GPC6: variants seen among roughly 807,000 people sequenced by gnomAD.
GPC6 encodes glypican-6.
A neutral mutation model predicts 55.2 loss-of-function variants in GPC6; 14 were observed. The observed-to-expected ratio is 0.25, with a 90% CI of 0.17 to 0.40. The LOEUF (loss-of-function observed/expected upper bound fraction) is 0.40, where lower values mean the gene tolerates loss of function less well. Ranked by LOEUF, GPC6 falls within the 10% of genes least tolerant of loss-of-function variation. The pLI is 1.00. For synonymous variants in GPC6, 278 were observed against 259.6 expected, an observed-to-expected ratio of 1.07 and a Z score of -0.68; for missense variants, 641 against 708.5, an observed-to-expected ratio of 0.90 and a Z score of 1.08.
At chr13:94,338,535 A>G (rs1877846921) in intron 6 of GPC6, among the ~76,000 whole-genome samples, 3 of 152,172 alleles carry the variant, frequency 2.0e-5, no homozygotes, top group Admixed American at 2.0e-4. Context: ...CTGACCAGCC[A>G]TGGTCCATTT....
chr13:93,821,726 G>GT (rs1325860050), intron 2 of GPC6, among the ~76,000 whole-genome samples: 1 of 151,950 alleles, frequency 6.6e-6, no homozygotes, highest in Non-Finnish European at 1.5e-5. Context: ...AGCTTTTTTT[G>GT]TTCTTCCTCA....
intron 6 of GPC6, among the ~76,000 whole-genome samples, chr13:94,356,063 T>C (rs549881771): frequency 2.0e-5 from 3 of 151,556 alleles, no homozygotes; most frequent in Admixed American, 2.0e-4. Flanking sequence ...GCTCCATCCA[T>C]GTCCCTGCAA....
At chr13:94,000,628 T>C (rs962095812) in intron 3 of GPC6, among the ~76,000 whole-genome samples, 1 of 152,140 alleles carries the variant, frequency 6.6e-6, no homozygotes, top group Non-Finnish European at 1.5e-5. Flanking sequence ...TAGGTGCTGA[T>C]GATGGAGTAT....
chr13:93,756,358 C>T (rs1182799469), intron 2 of GPC6, among the ~76,000 whole-genome samples: 1 of 152,118 alleles, frequency 6.6e-6, no homozygotes, highest in African/African-American at 2.4e-5. Context: ...GAGTACCACC[C>T]TGGTTGAAAT....
rs1329719516 is a variant in GPC6 at position 93,231,386 on chromosome 13, T to C, written c.160+3770T>C. Among the ~76,000 whole-genome samples, 32 of 22,516 alleles carry C rather than the reference T, an allele frequency of 1.4e-3. 1 individual carries two copies. The highest frequency in any genetic ancestry group is 4.1e-3 in the East Asian group (3 of 732). The allele number at this position is 22,516 out of a possible 152,430, so 14.8% of individuals were successfully genotyped here. ...GTATATATATATATATATACATATA[T>C]ATATATATATGTATATATATATATA... On this transcript the variant is annotated intron_variant, in intron 1 of 8. Coordinates refer to ENST00000377047, the MANE Select transcript of GPC6 (RefSeq NM_005708.5).
At chr13:93,411,087 G>T (rs1313396552) in intron 1 of GPC6, among the ~76,000 whole-genome samples, 1 of 152,172 alleles carries the variant, frequency 6.6e-6, no homozygotes, top group African/African-American at 2.4e-5. Context: ...CCCAGATATA[G>T]AGAGATTACA....
At chr13:94,060,340 G>A (rs1378037844) in intron 4 of GPC6, among the ~76,000 whole-genome samples, 1 of 152,140 alleles carries the variant, frequency 6.6e-6, no homozygotes, top group African/African-American at 2.4e-5. Flanking sequence ...TAAGCTCCAT[G>A]AGTGGGAGGA....
At chr13:93,514,435 C>A (rs544757554) in intron 1 of GPC6, among the ~76,000 whole-genome samples, 1 of 152,220 alleles carries the variant, frequency 6.6e-6, no homozygotes, top group Non-Finnish European at 1.5e-5. Flanking sequence ...AATATGGACT[C>A]CAAAAATGTT....
chr13:94,351,962 C>CAAAAAAAAAAAAAAAAAAAAAAAA (rs60206836), intron 6 of GPC6, among the ~76,000 whole-genome samples: 2 of 101,550 alleles, frequency 2.0e-5, no homozygotes, highest in Admixed American at 9.9e-5. Context: ...GAGAAGAAGG[C>CAAAAAAAAAAAAAAAAAAAAAAAA]AAAAAAAAAA....
In GPC6 at chr13:94,230,870, C is replaced by A. The variant is rs536380865; in HGVS notation, c.878-55479C>A. Among the ~76,000 whole-genome samples the A allele has an allele frequency of 7.2e-5, 11 of 152,284 alleles. No homozygotes were observed. The South Asian group carries it at 2.3e-3, about 32-fold the overall frequency. ...CAGACATCATAATAAGCATCTTTCACTTCAATCTTTCCAACAAGACAATGA... is the reference window on the plus strand; with the variant it reads ...CAGACATCATAATAAGCATCTTTCAATTCAATCTTTCCAACAAGACAATGA... On this transcript the variant is annotated intron_variant, in intron 4 of 8. Transcript: ENST00000377047.
intron 2 of GPC6, among the ~76,000 whole-genome samples, chr13:93,780,522 C>A (rs1331869348): frequency 6.6e-6 from 1 of 151,728 alleles, no homozygotes; most frequent in East Asian, 1.9e-4. Context: ...CATTATTAAA[C>A]AGCTGGCACT....
At chr13:94,210,702 G>A (rs1890050897) in intron 4 of GPC6, among the ~76,000 whole-genome samples, 1 of 152,084 alleles carries the variant, frequency 6.6e-6, no homozygotes. Context: ...TTGTATGTTT[G>A]CATGTGAAAT....
intron 3 of GPC6, among the ~76,000 whole-genome samples, chr13:93,831,861 CG>C (rs1566558317): frequency 6.7e-6 from 1 of 150,212 alleles, no homozygotes; most frequent in Non-Finnish European, 1.5e-5. Context: ...GAGGTTGAGG[CG>C]GGCAGATCTC....
intron 1 of GPC6, among the ~76,000 whole-genome samples, chr13:93,300,711 T>C (rs9524005): frequency 0.2 from 30,281 of 151,150 alleles, 3,222 homozygotes; most frequent in Non-Finnish European, 0.24. Context: ...TATCAGTTCT[T>C]TCCTTTATAT....
chr13:94,114,098 A>C (rs1886347690), intron 4 of GPC6, among the ~76,000 whole-genome samples: 1 of 3,270 alleles, frequency 3.1e-4, no homozygotes, highest in Non-Finnish European at 1.2e-3. Flanking sequence ...AGCTTTATCA[A>C]AAAAAAAAAA....
At chr13:94,067,773 G>T (rs1310851727) in intron 4 of GPC6, among the ~76,000 whole-genome samples, 4 of 152,190 alleles carry the variant, frequency 2.6e-5, no homozygotes, top group Non-Finnish European at 1.5e-5. Context: ...GTTTGCAACA[G>T]CAGATATGAA....
chr13:94,266,143 T>TTTCTC lies in GPC6; in HGVS notation c.878-20202_878-20201insCTTCT, dbSNP rs200958675. Among the ~76,000 whole-genome samples the TTTCTC allele has an allele frequency of 8.3e-3, 894 of 107,104 alleles. 29 individuals are homozygous for TTTCTC. The East Asian group carries it at 0.17, about 21-fold the overall frequency. 70.3% of individuals were successfully genotyped at this position (107,104 alleles called of 152,430 possible). A position where few individuals can be genotyped will look rare whatever the true frequency, so the allele number is the denominator to read the frequency against. On this transcript the variant is annotated intron_variant, in intron 4 of 8. Coordinates refer to ENST00000377047, the MANE Select transcript of GPC6 (RefSeq NM_005708.5). ...TTTTCTCGTTTTTCTTTTCTTTACTTTTCTTTTCTTTTTTTTTTTTGTTTG... is the reference window on the plus strand; with the variant it reads ...TTTTCTCGTTTTTCTTTTCTTTACTTTTCTCTTCTTTTCTTTTTTTTTTTTGTTTG...
chr13:94,146,814 A>C (rs1236487378), intron 4 of GPC6, among the ~76,000 whole-genome samples: 1 of 152,210 alleles, frequency 6.6e-6, no homozygotes, highest in Non-Finnish European at 1.5e-5. Flanking sequence ...GAAAGCATTT[A>C]GATAACTTGG....
At chr13:93,551,393 T>C (rs1875152993) in intron 2 of GPC6, among the ~76,000 whole-genome samples, 1 of 152,146 alleles carries the variant, frequency 6.6e-6, no homozygotes, top group South Asian at 2.1e-4. Flanking sequence ...AGAGATTGGC[T>C]GTTCTAAGAT....
Sources: gnomAD v4.1 joint callset for allele counts (sites outside exome capture counted in the v4.1 genomes callset) on GRCh38, gnomAD v4.1.1 for gene constraint, MANE v1.5 for transcripts, NCBI Gene and HGNC (gene_info 2026-07-23, HGNC 2026-07-21) for gene names.